TMPRSS9: variants seen among roughly 807,000 people sequenced by gnomAD.
TMPRSS9 encodes the protein transmembrane protease serine 9.
TMPRSS9 carries 113 observed loss-of-function variants against 111.4 expected under a neutral mutation model. The ratio of observed to expected loss-of-function variants is 1.01; its 90% CI spans 0.87 to 1.19. The LOEUF (loss-of-function observed/expected upper bound fraction) is 1.19. Among genes scored for constraint, TMPRSS9 ranks in the 50% most tolerant of loss-of-function variants. The pLI is 0.00. For synonymous variants in TMPRSS9, 805 were observed against 659.1 expected (o/e 1.22, Z -3.39); for missense variants, 1,803 against 1,513.1 (o/e 1.19, Z -3.18).
At chr19:2,391,362 G>GTTTTTTTTTTTT (rs372470176) in intron 1 of TMPRSS9, among the ~76,000 whole-genome samples, 1 of 142,740 alleles carries the variant, frequency 7.0e-6, no homozygotes, top group Non-Finnish European at 1.5e-5. Flanking sequence ...ATCCTCCTAG[G>GTTTTTTTTTTTT]TTTTTTTTTT....
chr19:2,416,253 CAT>C, intron 11 of TMPRSS9: 1 of 489,984 alleles, frequency 2.0e-6, no homozygotes, highest in South Asian at 3.5e-5. Flanking sequence ...AAAAGAGACT[CAT>C]AAAGCTGTAG....
intron 4 of TMPRSS9, among the ~76,000 whole-genome samples, chr19:2,400,993 G>C (rs1178977421): frequency 3.6e-5 from 5 of 140,478 alleles, no homozygotes. Context: ...AAAAAAAAAT[G>C]GCCGGGCGCG....
At chr19:2,424,158 C>T (rs748423554) in exon 15 of TMPRSS9, 2 of 1,458,004 alleles carry the variant, frequency 1.4e-6, no homozygotes, top group South Asian at 1.4e-5. Context: ...GGGGAGTGGC[C>T]GTGGCAGGTG....
At chr19:2,419,505 ATTTC>A (rs200666541) in intron 13 of TMPRSS9, among the ~76,000 whole-genome samples, 11,606 of 137,930 alleles carry the variant, frequency 0.084, 615 homozygotes, top group East Asian at 0.27. Flanking sequence ...CCCAGCCTAG[ATTTC>A]TTTTTCTTTT....
intron 1 of TMPRSS9, among the ~76,000 whole-genome samples, chr19:2,361,137 G>A (rs1228855443): frequency 7.8e-6 from 1 of 128,768 alleles, no homozygotes; most frequent in Non-Finnish European, 1.6e-5. Context: ...TACTGGGATG[G>A]GGTGCAGGGC....
chr19:2,364,870 T>TACA (rs1970236255), intron 1 of TMPRSS9, among the ~76,000 whole-genome samples: 1 of 151,298 alleles, frequency 6.6e-6, no homozygotes, highest in African/African-American at 2.4e-5. Context: ...GCCTGTAATC[T>TACA]CGGGAGGCTG....
At chr19:2,416,650 C>G in exon 12 of TMPRSS9, 1 of 1,613,050 alleles carries the variant, frequency 6.2e-7, no homozygotes, top group East Asian at 2.2e-5. Context: ...CCTCTACAAC[C>G]CTGGCATCCT....
At chr19:2,409,818 G>C (rs955281100) in intron 8 of TMPRSS9, among the ~76,000 whole-genome samples, 4 of 152,100 alleles carry the variant, frequency 2.6e-5, no homozygotes, top group Admixed American at 2.0e-4. Context: ...GGATTTCAGT[G>C]GGGTGGGACC....
intron 2 of TMPRSS9, among the ~76,000 whole-genome samples, chr19:2,398,333 A>C (rs964406533): frequency 6.6e-6 from 1 of 151,328 alleles, no homozygotes. Context: ...AAAATAAAAC[A>C]TAAGTCTGGG....
intron 9 of TMPRSS9, among the ~76,000 whole-genome samples, chr19:2,411,941 G>C (rs1032203635): frequency 1.2e-4 from 19 of 152,124 alleles, no homozygotes; most frequent in African/African-American, 4.3e-4. Context: ...TTGTTTCGTG[G>C]ATACCATTTC....
chr19:2,414,977 C>T (rs1429099162), intron 10 of TMPRSS9, among the ~76,000 whole-genome samples: 2 of 141,954 alleles, frequency 1.4e-5, no homozygotes, highest in African/African-American at 5.3e-5. Flanking sequence ...CGGAGTTTCA[C>T]TCTTGTCGCC....
chr19:2,399,524 C>T (rs1175427327), intron 4 of TMPRSS9, among the ~76,000 whole-genome samples: 1 of 152,030 alleles, frequency 6.6e-6, no homozygotes, highest in African/African-American at 2.4e-5. Flanking sequence ...TGCAGTGAGC[C>T]GAGATCGTGC....
At chr19:2,407,739 T>A (rs1246651845) in intron 7 of TMPRSS9, among the ~76,000 whole-genome samples, 1 of 148,370 alleles carries the variant, frequency 6.7e-6, no homozygotes, top group East Asian at 2.1e-4. Flanking sequence ...TACCTCAGCC[T>A]CCTGAGGAGC....
intron 1 of TMPRSS9, among the ~76,000 whole-genome samples, chr19:2,375,316 C>T (rs554322593): frequency 1.3e-5 from 2 of 152,310 alleles, no homozygotes; most frequent in African/African-American, 4.8e-5. Flanking sequence ...ACTTGGTGTC[C>T]TGCTTGGGTC....
At chr19:2,408,459 C>T (rs1470360070) in exon 8 of TMPRSS9, 1 of 1,613,944 alleles carries the variant, frequency 6.2e-7, no homozygotes, top group Non-Finnish European at 8.5e-7. Context: ...CGTCAAGCAC[C>T]CCCTGTACAA....
intron 14 of TMPRSS9, 60 bp from the exon 16 acceptor site, chr19:2,424,029 G>A: frequency 1.6e-6 from 2 of 1,245,584 alleles, no homozygotes; most frequent in Admixed American, 4.2e-5. Flanking sequence ...GGCGCCCAGG[G>A]GGGCCTTCGT....
chr19:2,369,870 G>A (rs1054420988), intron 1 of TMPRSS9, among the ~76,000 whole-genome samples: 28 of 152,186 alleles, frequency 1.8e-4, no homozygotes, highest in East Asian at 1.9e-4. Context: ...GGTCTGACAA[G>A]ACTGCAGTCA....
intron 13 of TMPRSS9, among the ~76,000 whole-genome samples, chr19:2,419,770 G>A (rs1425469802): frequency 6.6e-6 from 1 of 152,174 alleles, no homozygotes; most frequent in East Asian, 1.9e-4. Flanking sequence ...GCCCGCCTCA[G>A]CCTCCCAAAC....
chr19:2,418,187 C>A, intron 13 of TMPRSS9, 49 bp downstream of exon 14: 1 of 1,544,560 alleles, frequency 6.5e-7, no homozygotes, highest in Non-Finnish European at 8.8e-7. Flanking sequence ...GAAATGCCCA[C>A]AGCCGTTCAC....
Sources: allele counts gnomAD v4.1 joint callset (sites outside exome capture counted in the v4.1 genomes callset), GRCh38; gene constraint gnomAD v4.1.1; transcripts MANE v1.5; gene names NCBI Gene and HGNC (gene_info 2026-07-23, HGNC 2026-07-21).